Variants in CTNNA3 observed in about 807,000 individuals in gnomAD.
CTNNA3 encodes the protein catenin alpha 3.
CTNNA3 carries 76 observed loss-of-function variants against 95.7 expected under a neutral mutation model. The observed-to-expected ratio is 0.79, with a 90% CI of 0.66 to 0.96. The LOEUF is 0.96. CTNNA3 is among the 40% of genes least tolerant of loss of function. The probability of loss-of-function intolerance (pLI) is 0.00; values close to 1 mark genes in which losing one functional copy is unlikely to be tolerated. For missense variants in CTNNA3, 1,191 were observed against 1,089.8 expected, an observed-to-expected ratio of 1.09 and a Z score of -1.31; for synonymous variants, 431 against 374.4, an observed-to-expected ratio of 1.15 and a Z score of -1.74.
intron 11 of CTNNA3, among the ~76,000 whole-genome samples, chr10:66,408,141 T>A (rs770697470): frequency 5.3e-5 from 8 of 152,220 alleles, no homozygotes; most frequent in Non-Finnish European, 1.0e-4. Context: ...CTGCACAGAT[T>A]CGACATAGTA....
At chr10:66,483,307 A>C (rs897156018) in intron 11 of CTNNA3, among the ~76,000 whole-genome samples, 15 of 152,132 alleles carry the variant, frequency 9.9e-5, no homozygotes, top group Non-Finnish European at 1.8e-4. Flanking sequence ...AAATATCCTG[A>C]TTTTGATAAA....
intron 3 of CTNNA3, among the ~76,000 whole-genome samples, chr10:67,572,643 A>G (rs1039389792): frequency 6.6e-6 from 1 of 152,208 alleles, no homozygotes; most frequent in African/African-American, 2.4e-5. Context: ...TCAGGCAGTT[A>G]AGCATGAAAC....
At chr10:67,672,284 G>A (rs1270654044) in intron 1 of CTNNA3, among the ~76,000 whole-genome samples, 12 of 152,002 alleles carry the variant, frequency 7.9e-5, no homozygotes, top group Non-Finnish European at 1.2e-4. Context: ...AGTAGGTTGC[G>A]AAAATTTTCT....
At chr10:66,896,523 C>T (rs1411187141) in intron 7 of CTNNA3, among the ~76,000 whole-genome samples, 1 of 152,158 alleles carries the variant, frequency 6.6e-6, no homozygotes, top group Admixed American at 6.6e-5. Flanking sequence ...AAGAACCTGA[C>T]TGACAGTAAC....
At chr10:66,895,249 T>A (rs1171717155) in intron 7 of CTNNA3, among the ~76,000 whole-genome samples, 1 of 151,992 alleles carries the variant, frequency 6.6e-6, no homozygotes. Flanking sequence ...CTTTATTGTG[T>A]GAGACAGGAG....
At chr10:66,238,916 T>C (rs1243986362) in intron 13 of CTNNA3, among the ~76,000 whole-genome samples, 1 of 151,920 alleles carries the variant, frequency 6.6e-6, no homozygotes, top group African/African-American at 2.4e-5. Context: ...CAGTAATACC[T>C]TGGTAAGATG....
At chr10:67,325,626 T>G (rs1432000569) in intron 5 of CTNNA3, among the ~76,000 whole-genome samples, 2 of 152,220 alleles carry the variant, frequency 1.3e-5, no homozygotes, top group Admixed American at 6.5e-5. Flanking sequence ...CTTTTGCATT[T>G]TGTAGAGAAT....
At chr10:66,542,588 T>G (rs374844717) in intron 10 of CTNNA3, among the ~76,000 whole-genome samples, 7 of 152,038 alleles carry the variant, frequency 4.6e-5, no homozygotes, top group Non-Finnish European at 7.4e-5. Context: ...GTCCTTTGTA[T>G]GGACATGGAT....
At chr10:66,225,223 T>C (rs1390581350) in intron 13 of CTNNA3, among the ~76,000 whole-genome samples, 12 of 151,634 alleles carry the variant, frequency 7.9e-5, no homozygotes, top group Non-Finnish European at 1.8e-4. Flanking sequence ...CAGCTTCTAA[T>C]AATCACAGTT....
At chr10:67,050,888 C>T (rs1051240573) in intron 7 of CTNNA3, among the ~76,000 whole-genome samples, 2 of 152,100 alleles carry the variant, frequency 1.3e-5, no homozygotes, top group Admixed American at 6.5e-5. Context: ...ACATACGTAG[C>T]ACAAATGATT....
chr10:66,592,133 C>A (rs1468747340), intron 10 of CTNNA3, among the ~76,000 whole-genome samples: 3 of 151,778 alleles, frequency 2.0e-5, no homozygotes, highest in Admixed American at 2.0e-4. Flanking sequence ...ATGACTCAAC[C>A]ATCCATAACA....
At chr10:66,679,319 C>G (rs1371167929) in intron 9 of CTNNA3, among the ~76,000 whole-genome samples, 1 of 152,154 alleles carries the variant, frequency 6.6e-6, no homozygotes, top group South Asian at 2.1e-4. Context: ...CTAGCTTCAG[C>G]AATTGGGAGA....
intron 7 of CTNNA3, among the ~76,000 whole-genome samples, chr10:67,101,686 T>C (rs1858351530): frequency 6.6e-6 from 1 of 151,754 alleles, no homozygotes. Flanking sequence ...AATCACATAA[T>C]CCTATTTTGA....
chr10:66,468,085 T>C (rs2131866342), intron 11 of CTNNA3, among the ~76,000 whole-genome samples: 1 of 152,066 alleles, frequency 6.6e-6, no homozygotes, highest in South Asian at 2.1e-4. Context: ...ATAGAGAAAA[T>C]AGCGATTTTA....
At chr10:67,247,006 T>TA (rs1350535582) in intron 5 of CTNNA3, among the ~76,000 whole-genome samples, 2 of 152,130 alleles carry the variant, frequency 1.3e-5, no homozygotes, top group Non-Finnish European at 2.9e-5. Context: ...TCAATTTCAG[T>TA]AAAAAATACA....
intron 13 of CTNNA3, among the ~76,000 whole-genome samples, chr10:66,237,499 T>C (rs1196958665): frequency 2.6e-5 from 4 of 151,142 alleles, no homozygotes; most frequent in African/African-American, 9.7e-5. Context: ...ATTTGAAGCA[T>C]GATTGGCTTC....
In CTNNA3 at chr10:66,680,649, C is replaced by T. The variant is rs568993953; in HGVS notation, c.1282-58865G>A. Among the ~76,000 whole-genome samples the T allele has an allele frequency of 8.5e-5, 13 of 152,230 alleles. No homozygotes were observed. The Middle Eastern group carries it at 0.024, about 279-fold the overall frequency. On this transcript the variant is annotated intron_variant, in intron 9 of 17. Coordinates refer to ENST00000433211, the MANE Select transcript of CTNNA3 (RefSeq NM_013266.4). ...AATGTCCACAACTTTCTTCAAGATG[C>T]ATTCATTTGTTCCTTCAATAGTCAA...
At chr10:67,052,071 A>T (rs1855132702) in intron 7 of CTNNA3, among the ~76,000 whole-genome samples, 1 of 152,152 alleles carries the variant, frequency 6.6e-6, no homozygotes, top group African/African-American at 2.4e-5. Flanking sequence ...ACAAATTTTT[A>T]AATGGGATTT....
At chr10:65,925,045 G>C (rs184710194) in intron 17 of CTNNA3, among the ~76,000 whole-genome samples, 80 of 152,174 alleles carry the variant, frequency 5.3e-4, no homozygotes, top group Middle Eastern at 3.4e-3. Flanking sequence ...GATGAGTTTT[G>C]GGTAGGGACA....
Sources: allele counts gnomAD v4.1 joint callset (sites outside exome capture counted in the v4.1 genomes callset), GRCh38; gene constraint gnomAD v4.1.1; transcripts MANE v1.5; gene names NCBI Gene and HGNC (gene_info 2026-07-23, HGNC 2026-07-21).